The following NALF1 variants were observed in gnomAD, a reference collection of about 807,000 sequenced individuals.
The protein encoded by NALF1 is family with sequence similarity 155 member A.
In NALF1, 3 loss-of-function variants were observed where a neutral mutation model predicts 48.4. The ratio of observed to expected loss-of-function variants is 0.06; its 90% CI spans 0.03 to 0.16. NALF1 has a LOEUF of 0.16. Ranked by LOEUF, NALF1 falls within the 10% of genes least tolerant of loss-of-function variation. The pLI is 1.00. For missense variants in NALF1, 526 were observed against 571.5 expected, an observed-to-expected ratio of 0.92 and a Z score of 0.81; for synonymous variants, 262 against 245.7, an observed-to-expected ratio of 1.07 and a Z score of -0.62.
intron 1 of NALF1, among the ~76,000 whole-genome samples, chr13:107,628,551 C>T (rs879265843): frequency 7.2e-5 from 11 of 152,118 alleles, no homozygotes; most frequent in Non-Finnish European, 1.0e-4. Context: ...CTTCTCCTTT[C>T]GTGTCACAGA....
At position 107,328,273 on chromosome 13, in the gene NALF1, T is replaced by TACACACAC. The variant is rs34987619; in HGVS notation, c.916-117526_916-117519dup. Among the ~76,000 whole-genome samples the TACACACAC allele has an allele frequency of 2.2e-3, 316 of 144,092 alleles. 3 individuals are homozygous for TACACACAC. Among genetic ancestry groups the TACACACAC allele is most frequent in the African/African-American group, 4.7e-3 (183 of 38,752 alleles). The allele number at this position is 144,092 out of a possible 152,430, so 94.5% of individuals were successfully genotyped here. A position where few individuals can be genotyped will look rare whatever the true frequency, so the allele number is the denominator to read the frequency against. ...TCTTCCAACTTTTCATCTCCTGCAA[T>TACACACAC]ACACACACACACACACACACACACA... On this transcript the variant is annotated intron_variant, in intron 1 of 2. Transcript: ENST00000375915.
intron 1 of NALF1, among the ~76,000 whole-genome samples, chr13:107,580,627 A>C (rs1030505236): frequency 2.6e-5 from 4 of 152,214 alleles, no homozygotes; most frequent in African/African-American, 9.6e-5. Context: ...TCTCAGTTTT[A>C]TGAAAGAAAG....
At chr13:107,529,265 T>C (rs375536656) in intron 1 of NALF1, among the ~76,000 whole-genome samples, 6 of 152,244 alleles carry the variant, frequency 3.9e-5, no homozygotes, top group African/African-American at 1.4e-4. Context: ...TGAATAATTA[T>C]TCAAGAGCAG....
rs137886672 is a variant in NALF1 at position 107,278,976 on chromosome 13, T to C, written c.916-68221A>G. ...TGATTGGCTTCAAAGAAAATGAATGTCATCTATCCTTAACTGGTTACCCGT... is the reference window on the plus strand; with the variant it reads ...TGATTGGCTTCAAAGAAAATGAATGCCATCTATCCTTAACTGGTTACCCGT... On this transcript the variant is annotated intron_variant, in intron 1 of 2. Transcript: ENST00000375915. 1.9e-3 allele frequency among the ~76,000 whole-genome samples: 282 copies of C among 152,128 alleles called. 1 individual carries two copies. The highest frequency in any genetic ancestry group is 5.7e-3 in the African/African-American group (235 of 41,522).
At chr13:107,727,842 A>G (rs1876202361) in intron 1 of NALF1, among the ~76,000 whole-genome samples, 1 of 152,202 alleles carries the variant, frequency 6.6e-6, no homozygotes, top group Admixed American at 6.5e-5. Flanking sequence ...AGAAAAAAAC[A>G]AACAACTGTA....
In NALF1 at chr13:107,250,384, C is replaced by T. The variant is rs371498018; in HGVS notation, c.916-39629G>A. On this transcript the variant is annotated intron_variant, in intron 1 of 2. Transcript: ENST00000375915. ...CACAAAAGAAGTATTCAAAATATTGCCCTCAGCTATAGTGACATGAATTAT... is the reference window on the plus strand; with the variant it reads ...CACAAAAGAAGTATTCAAAATATTGTCCTCAGCTATAGTGACATGAATTAT... 7.2e-5 allele frequency among the ~76,000 whole-genome samples: 11 copies of T among 151,970 alleles called. No individual in the cohort carries two copies. The East Asian group carries it at 1.9e-3, about 27-fold the overall frequency.
intron 1 of NALF1, among the ~76,000 whole-genome samples, chr13:107,355,782 A>G (rs973631509): frequency 6.6e-6 from 1 of 152,176 alleles, no homozygotes; most frequent in African/African-American, 2.4e-5. Context: ...CCTTTTCTTC[A>G]TAAATTACCC....
At chr13:107,862,731 A>C (rs1880607558) in intron 1 of NALF1, among the ~76,000 whole-genome samples, 1 of 151,984 alleles carries the variant, frequency 6.6e-6, no homozygotes, top group Non-Finnish European at 1.5e-5. Context: ...TATTAGGTCT[A>C]TTCTAAGGGG....
intron 1 of NALF1, among the ~76,000 whole-genome samples, chr13:107,704,406 T>C (rs993040416): frequency 3.3e-5 from 5 of 152,220 alleles, no homozygotes; most frequent in African/African-American, 1.2e-4. Flanking sequence ...TCTATACCAA[T>C]GTCTATCTCT....
chr13:107,770,718 G>A (rs1053920638), intron 1 of NALF1, among the ~76,000 whole-genome samples: 1 of 152,190 alleles, frequency 6.6e-6, no homozygotes, highest in Non-Finnish European at 1.5e-5. Context: ...ACATGTTAAT[G>A]GCCTGGGTGA....
At chr13:107,316,770 G>A (rs1882158573) in intron 1 of NALF1, among the ~76,000 whole-genome samples, 1 of 151,620 alleles carries the variant, frequency 6.6e-6, no homozygotes, top group African/African-American at 2.4e-5. Context: ...ATTTCTTTGA[G>A]TTCTTTGTAG....
chr13:107,424,081 C>G (rs1185776730), intron 1 of NALF1, among the ~76,000 whole-genome samples: 1 of 151,902 alleles, frequency 6.6e-6, no homozygotes, highest in East Asian at 1.9e-4. Flanking sequence ...AATAATTTCT[C>G]CTGTACTTAT....
At chr13:107,198,530 T>G (rs1879440808) in intron 2 of NALF1, among the ~76,000 whole-genome samples, 1 of 152,370 alleles carries the variant, frequency 6.6e-6, no homozygotes, top group Non-Finnish European at 1.5e-5. Context: ...CCTCCAGAAC[T>G]TCTGAAGCAT....
rs563671102 is a variant in NALF1, at chr13:107,513,522, C to T, written c.916-302767G>A. On this transcript the variant is annotated intron_variant, in intron 1 of 2. Coordinates refer to ENST00000375915, the MANE Select transcript of NALF1 (RefSeq NM_001080396.3). ...CTTTTTTTTTTTTCTGTTATCTGAG[C>T]TAACTAAGGTTTATTACTATTGCAA... Among the ~76,000 whole-genome samples the T allele has an allele frequency of 3.3e-5, 5 of 151,524 alleles. No homozygotes were observed. The East Asian group carries it at 9.7e-4, about 29-fold the overall frequency.
chr13:107,452,634 T>C (rs1318699484), intron 1 of NALF1, among the ~76,000 whole-genome samples: 2 of 152,320 alleles, frequency 1.3e-5, no homozygotes, highest in African/African-American at 2.4e-5. Context: ...CACATAATTC[T>C]GCCACTGGCC....
intron 1 of NALF1, among the ~76,000 whole-genome samples, chr13:107,815,859 A>T (rs539832555): frequency 6.6e-6 from 1 of 152,292 alleles, no homozygotes; most frequent in South Asian, 2.1e-4. Flanking sequence ...CCTTGGAAAC[A>T]TCAAGGAGTC....
At chr13:107,217,454 T>C (rs961071566) in intron 1 of NALF1, among the ~76,000 whole-genome samples, 8 of 152,232 alleles carry the variant, frequency 5.3e-5, no homozygotes, top group Non-Finnish European at 1.0e-4. Context: ...CTACACATTC[T>C]TTCTGGGCAA....
At chr13:107,624,824 G>A (rs1233967075) in intron 1 of NALF1, among the ~76,000 whole-genome samples, 1 of 152,148 alleles carries the variant, frequency 6.6e-6, no homozygotes, top group Non-Finnish European at 1.5e-5. Context: ...CCTAATAAAG[G>A]AGGGGGGTGC....
intron 1 of NALF1, among the ~76,000 whole-genome samples, chr13:107,851,680 A>G (rs1880317274): frequency 6.6e-6 from 1 of 152,216 alleles, no homozygotes; most frequent in Non-Finnish European, 1.5e-5. Context: ...AGATCTGAGT[A>G]AAATCTAATT....
Sources: allele counts gnomAD v4.1 joint callset (sites outside exome capture counted in the v4.1 genomes callset), GRCh38; gene constraint gnomAD v4.1.1; transcripts MANE v1.5; gene names NCBI Gene and HGNC (gene_info 2026-07-23, HGNC 2026-07-21).